Variants in PMEL observed in about 807,000 individuals in gnomAD.
PMEL encodes melanocyte protein PMEL.
A neutral mutation model predicts 64.9 loss-of-function variants in PMEL; 53 were observed. The observed-to-expected ratio is 0.82, with a 90% CI of 0.66 to 1.03. The LOEUF is 1.03. PMEL is among the 50% of genes least tolerant of loss of function. The probability of loss-of-function intolerance (pLI) is 0.00; values close to 1 mark genes in which losing one functional copy is unlikely to be tolerated. For missense variants in PMEL, 716 were observed against 814.9 expected, an observed-to-expected ratio of 0.88 and a Z score of 1.48; for synonymous variants, 299 against 316.2, an observed-to-expected ratio of 0.95 and a Z score of 0.58.
chr12:55,960,903 T>C (rs189323330), intron 3 of PMEL, among the ~76,000 whole-genome samples: 39 of 150,662 alleles, frequency 2.6e-4, no homozygotes, highest in African/African-American at 9.5e-4. Context: ...TATAACTTGT[T>C]TTAAAAATTA....
chr12:55,959,549 A>G (rs1889022108), intron 3 of PMEL, among the ~76,000 whole-genome samples: 1 of 152,104 alleles, frequency 6.6e-6, no homozygotes, highest in Admixed American at 6.6e-5. Flanking sequence ...TCACACCTGT[A>G]ATCCTAGCAC....
intron 10 of PMEL, among the ~76,000 whole-genome samples, chr12:55,954,947 C>T (rs534226258): frequency 6.6e-6 from 1 of 152,150 alleles, no homozygotes; most frequent in South Asian, 2.1e-4. Flanking sequence ...TGCCCCCACT[C>T]TTCATATTAT....
chr12:55,955,751 G>A, intron 8 of PMEL, 28 bp downstream of exon 8: 14 of 1,610,024 alleles, frequency 8.7e-6, no homozygotes, highest in Non-Finnish European at 1.1e-5. Context: ...CAACCAAAGA[G>A]TTACCAGCAC....
intron 1 of PMEL, 109 bp downstream of exon 1, chr12:55,965,827 G>T: frequency 1.5e-6 from 2 of 1,335,588 alleles, no homozygotes; most frequent in Non-Finnish European, 2.1e-6. Context: ...CAAATGAGTG[G>T]GAGACGCCTG....
intron 8 of PMEL, 48 bp downstream of exon 8, chr12:55,955,731 G>C: frequency 1.2e-6 from 2 of 1,608,394 alleles, no homozygotes; most frequent in Non-Finnish European, 1.7e-6. Context: ...CCAGAGAGCG[G>C]AGAAACAGTC....
At chr12:55,962,134 C>T (rs1295139309) in intron 1 of PMEL, among the ~76,000 whole-genome samples, 1 of 151,912 alleles carries the variant, frequency 6.6e-6, no homozygotes, top group African/African-American at 2.4e-5. Context: ...CTGCGCCCGG[C>T]TGAAGTGCAT....
intron 3 of PMEL, among the ~76,000 whole-genome samples, chr12:55,960,373 G>A (rs918076739): frequency 1.1e-4 from 17 of 151,688 alleles, no homozygotes; most frequent in African/African-American, 3.9e-4. Context: ...TTTAGGGACT[G>A]TAATTTTCTT....
In PMEL at chr12:55,957,618, T is replaced by C. The variant is rs1349729216; in HGVS notation, c.685A>G (p.Asn229Asp). ...GGCTGATTTCTCAGGAAGTGCTTGTTCCCTCCATCCAAGGCCCGCAACTGG... is the reference window on the plus strand; with the variant it reads ...GGCTGATTTCTCAGGAAGTGCTTGTCCCCTCCATCCAAGGCCCGCAACTGG... The part of the protein sequence containing the change: ...VSQLRALDGG[N>D]KHFLRNQPLT... Residue 229 changes from asparagine (N) to aspartate (D), a missense_variant, in exon 6 of 11, where the codon AAC (asparagine) becomes GAC (aspartate). By Grantham distance (23) the Asn-to-Asp change is conservative (BLOSUM62 1). Coordinates refer to ENST00000548747, the MANE Select transcript of PMEL (RefSeq NM_001384361.1). 6.2e-7 allele frequency: 1 copy of C among 1,613,064 alleles called. No individual in the cohort carries two copies. Among genetic ancestry groups the C allele is most frequent in the Admixed American group, 1.7e-5 (1 of 59,792 alleles).
chr12:55,954,960 A>G (rs555807903), intron 10 of PMEL, among the ~76,000 whole-genome samples: 1 of 152,034 alleles, frequency 6.6e-6, no homozygotes, highest in Non-Finnish European at 1.5e-5. Context: ...CATATTATTA[A>G]CAACAGTCAT....
rs1435689492 is a variant in PMEL, at chr12:55,956,134, A to G, written c.1440T>C (p.Tyr480=). 1.7e-5 allele frequency: 28 copies of G among 1,613,718 alleles called. No homozygotes were observed. Among genetic ancestry groups the G allele is most frequent in the Non-Finnish European group, 2.1e-5 (25 of 1,179,682 alleles). Residue 480 remains tyrosine, a synonymous_variant, in exon 7 of 11, where the codon TAT becomes TAC. Coordinates refer to ENST00000548747, the MANE Select transcript of PMEL (RefSeq NM_001384361.1). Reference sequence around the variant, plus strand: ...TGTCCAGGGTGACGGAAAAGGAACCATATCGATACAGAACACAATCCAGGG... The same window carrying G: ...TGTCCAGGGTGACGGAAAAGGAACCGTATCGATACAGAACACAATCCAGGG... The part of the protein sequence containing the change: ...QVPLDCVLYR[Y]GSFSVTLDIV...
At chr12:55,956,861 T>A in intron 6 of PMEL, 88 bp downstream of exon 6, 1 of 1,405,798 alleles carries the variant, frequency 7.1e-7, no homozygotes. Context: ...AAGCAAAGGA[T>A]TGGGTAACAT....
intron 3 of PMEL, among the ~76,000 whole-genome samples, chr12:55,959,674 G>C (rs890562653): frequency 6.6e-6 from 1 of 151,868 alleles, no homozygotes; most frequent in Non-Finnish European, 1.5e-5. Context: ...GCGTGCTGGC[G>C]GAAGCCTATA....
chr12:55,962,738 C>T (rs1462532244), intron 1 of PMEL, among the ~76,000 whole-genome samples: 1 of 151,374 alleles, frequency 6.6e-6, no homozygotes, highest in Non-Finnish European at 1.5e-5. Context: ...TCCATGTTGG[C>T]CAGGTTTGTC....
Position 55,957,653 on chromosome 12 carries a change from AC to A in PMEL, c.649del (p.Val217Ter). The A allele has an allele frequency of 6.2e-7, 1 of 1,611,514 alleles. No individual in the cohort carries two copies. On this transcript the variant is annotated frameshift_variant, in exon 6 of 11. Transcript: ENST00000548747. LOFTEE classifies it high-confidence loss of function. Reference sequence around the variant, plus strand: ...CAAGGCCCGCAACTGGGACACGCTCACGGAGAAAGGCACCTGGTCTGGGATT... The same window carrying A: ...CAAGGCCCGCAACTGGGACACGCTCAGGAGAAAGGCACCTGGTCTGGGATT... The part of the protein sequence containing the change: ...FTITDQVPFS[V>X]SVSQLRALDG...
chr12:55,961,296 C>G, intron 3 of PMEL, 21 bp downstream of exon 3: 1 of 1,612,710 alleles, frequency 6.2e-7, no homozygotes, highest in Non-Finnish European at 8.5e-7. Context: ...GAATAAGGAC[C>G]TAGAATAGAG....
At position 55,957,219 on chromosome 12, in the gene PMEL, C is replaced by T. The variant is rs774774736; in HGVS notation, c.1084G>A (p.Ala362Thr). 2.5e-6 allele frequency: 4 copies of T among 1,614,176 alleles called. No homozygotes were observed. The highest frequency in any genetic ancestry group is 3.4e-6 in the Non-Finnish European group (4 of 1,180,038). ...QVPTTEVIST[A>T]PVQMPTAEST... The stretch of plus-strand genomic sequence containing the variant: ...TCTGCAGTTGGCATCTGCACAGGTG[C>T]AGTGCTTATGACTTCAGTGGTTGGC... The change falls in exon 6 of 11, where the codon GCA becomes ACA. Residue 362 changes from alanine (A) to threonine (T), a missense_variant. Coordinates refer to ENST00000548747, the MANE Select transcript of PMEL (RefSeq NM_001384361.1).
intron 3 of PMEL, among the ~76,000 whole-genome samples, chr12:55,960,545 T>TTG (rs1207965338): frequency 5.1e-5 from 7 of 137,970 alleles, no homozygotes; most frequent in African/African-American, 2.0e-4. Flanking sequence ...CTGTTTTTTT[T>TTG]TTTTTTTTTT....
Position 55,954,200 on chromosome 12 carries a change from T to A in PMEL, c.*14A>T. On this transcript the variant is annotated 3_prime_UTR_variant, in exon 11 of 11. Transcript: ENST00000548747. ...TGTCAACTCCAGGAAAATCACAGCA[T>A]CATATGAGAGTACTCAGACCTGCTG... The A allele has an allele frequency of 1.3e-6, 2 of 1,597,166 alleles. No homozygotes were observed. The highest frequency in any genetic ancestry group is 1.7e-6 in the Non-Finnish European group (2 of 1,173,128).
intron 1 of PMEL, among the ~76,000 whole-genome samples, chr12:55,963,298 C>G (rs1889175119): frequency 6.6e-6 from 1 of 152,068 alleles, no homozygotes; most frequent in East Asian, 1.9e-4. Context: ...TGTAACTGAC[C>G]AAGAGAGGTC....
Sources: gnomAD v4.1 joint callset for allele counts (sites outside exome capture counted in the v4.1 genomes callset) on GRCh38, gnomAD v4.1.1 for gene constraint, MANE v1.5 for transcripts, NCBI Gene and HGNC (gene_info 2026-07-23, HGNC 2026-07-21) for gene names.